The following FBXL7 variants were observed in gnomAD, a reference collection of about 807,000 sequenced individuals.
FBXL7 encodes the protein F-box/LRR-repeat protein 7.
Under a neutral mutation model 38.3 loss-of-function variants are expected in FBXL7, and 12 were observed. That is an observed-to-expected ratio of 0.31 (90% CI 0.20 to 0.51). The LOEUF is 0.51. Among genes scored for constraint, FBXL7 ranks in the 20% least tolerant of loss-of-function variants. FBXL7 has a pLI of 0.98. For synonymous variants in FBXL7, 297 were observed against 300.9 expected (o/e 0.99, Z 0.13); for missense variants, 567 against 676.4 (o/e 0.84, Z 1.79).
chr5:15,603,569 A>C (rs1055577703), intron 1 of FBXL7, among the ~76,000 whole-genome samples: 3 of 152,208 alleles, frequency 2.0e-5, no homozygotes, highest in African/African-American at 7.2e-5. Context: ...CTGTGTAGGC[A>C]ATGAGGTCAT....
intron 2 of FBXL7, among the ~76,000 whole-genome samples, chr5:15,767,034 G>A (rs547511239): frequency 1.4e-4 from 22 of 151,828 alleles, no homozygotes; most frequent in Admixed American, 3.3e-4. Context: ...CGGGGTACCC[G>A]TGCAGGATGT....
At chr5:15,892,039 C>T (rs1740924198) in intron 2 of FBXL7, among the ~76,000 whole-genome samples, 1 of 152,230 alleles carries the variant, frequency 6.6e-6, no homozygotes, top group Admixed American at 6.5e-5. Flanking sequence ...CACCAGCCTC[C>T]TGCCAGTGCT....
chr5:15,816,544 G>A (rs1738020518), intron 2 of FBXL7, among the ~76,000 whole-genome samples: 1 of 152,130 alleles, frequency 6.6e-6, no homozygotes, highest in Non-Finnish European at 1.5e-5. Context: ...ACACGTACAT[G>A]TAATGTACAT....
At chr5:15,719,387 A>G (rs1744134108) in intron 2 of FBXL7, among the ~76,000 whole-genome samples, 1 of 122,920 alleles carries the variant, frequency 8.1e-6, no homozygotes, top group Non-Finnish European at 1.9e-5. Flanking sequence ...ATATCATGCT[A>G]AGTGACCTAT....
chr5:15,510,188 G>A (rs1736757644), intron 1 of FBXL7, among the ~76,000 whole-genome samples: 2 of 152,218 alleles, frequency 1.3e-5, no homozygotes, highest in African/African-American at 4.8e-5. Context: ...CATGAGCAAT[G>A]TGTAGAAATG....
At chr5:15,764,601 A>G (rs2964268) in intron 2 of FBXL7, among the ~76,000 whole-genome samples, 115,628 of 152,210 alleles carry the variant, frequency 0.76, 44,248 homozygotes, top group East Asian at 0.9. Context: ...AGCATCAGCC[A>G]TGAGGCCAGA....
chr5:15,928,043 C>T lies in FBXL7; in HGVS notation c.281C>T (p.Thr94Ile). 3.2e-6 allele frequency: 2 copies of T among 626,922 alleles called. No individual in the cohort carries two copies. 38.8% of individuals were successfully genotyped at this position (626,922 alleles called of 1,614,324 possible). A position where few individuals can be genotyped will look rare whatever the true frequency, so the allele number is the denominator to read the frequency against. Residue 94 changes from threonine (T) to isoleucine (I), a missense_variant, in exon 3 of 4, where the codon ACC (threonine) becomes ATC (isoleucine). Thr to Ile is a moderately conservative substitution (Grantham distance 89, BLOSUM62 -1). Coordinates refer to ENST00000504595, the MANE Select transcript of FBXL7 (RefSeq NM_012304.5). This position sits in a 1 kb window ranked among gnomAD's most constrained non-coding sequence, Gnocchi z 4.0. ...GCCATGGTGCACTCCCCGCCCCCGACCCGCCTCACACACCCGCTCATCCGG... is the reference window on the plus strand; with the variant it reads ...GCCATGGTGCACTCCCCGCCCCCGATCCGCCTCACACACCCGCTCATCCGG... The part of the protein sequence containing the change: ...TVAMVHSPPP[T>I]RLTHPLIRLA...
chr5:15,557,586 G>A (rs1464596348), intron 1 of FBXL7, among the ~76,000 whole-genome samples: 1 of 152,188 alleles, frequency 6.6e-6, no homozygotes, highest in Non-Finnish European at 1.5e-5. Flanking sequence ...GATATTAGCT[G>A]CTCCATTAGT....
At chr5:15,766,562 G>C (rs1395416293) in intron 2 of FBXL7, among the ~76,000 whole-genome samples, 3 of 152,166 alleles carry the variant, frequency 2.0e-5, no homozygotes, top group African/African-American at 7.2e-5. Context: ...ATATTTAAAA[G>C]GCTGCTTTGG....
intron 2 of FBXL7, among the ~76,000 whole-genome samples, chr5:15,668,814 G>A (rs889085426): frequency 1.3e-5 from 2 of 152,092 alleles, no homozygotes; most frequent in Non-Finnish European, 2.9e-5. Context: ...AGGTCAGGAG[G>A]TATCCTTCAT....
intron 2 of FBXL7, among the ~76,000 whole-genome samples, chr5:15,642,330 G>A (rs568920673): frequency 1.3e-5 from 2 of 152,126 alleles, no homozygotes; most frequent in African/African-American, 4.8e-5. Context: ...GCCAGGATAT[G>A]TAACTCTCCA....
intron 2 of FBXL7, among the ~76,000 whole-genome samples, chr5:15,670,821 T>A (rs948034366): frequency 2.8e-4 from 42 of 148,956 alleles, no homozygotes; most frequent in African/African-American, 9.1e-4. Context: ...AAAATAAAAA[T>A]AAAAAAAAAA....
chr5:15,924,851 T>C (rs1433873632), intron 2 of FBXL7, among the ~76,000 whole-genome samples: 1 of 152,152 alleles, frequency 6.6e-6, no homozygotes, highest in Admixed American at 6.5e-5. Context: ...GGTCTCAAAC[T>C]CTTGGCCTCA....
chr5:15,691,158 T>C (rs993068231), intron 2 of FBXL7, among the ~76,000 whole-genome samples: 3 of 152,196 alleles, frequency 2.0e-5, no homozygotes, highest in Admixed American at 2.0e-4. Flanking sequence ...CTGACTTCTG[T>C]TCTTGTCAGT....
intron 1 of FBXL7, among the ~76,000 whole-genome samples, chr5:15,610,645 A>C (rs1163547735): frequency 6.6e-6 from 1 of 152,162 alleles, no homozygotes; most frequent in African/African-American, 2.4e-5. Flanking sequence ...TGCTTCCAGA[A>C]GCAGGGCAGA....
At chr5:15,858,155 C>T (rs1354080239) in intron 2 of FBXL7, among the ~76,000 whole-genome samples, 1 of 151,194 alleles carries the variant, frequency 6.6e-6, no homozygotes, top group East Asian at 1.9e-4. Context: ...TTTATCCTTA[C>T]AACTATTAGA....
chr5:15,613,088 A>C (rs1740307814), intron 1 of FBXL7, among the ~76,000 whole-genome samples: 1 of 152,218 alleles, frequency 6.6e-6, no homozygotes, highest in Non-Finnish European at 1.5e-5. Flanking sequence ...CAATATAATA[A>C]AAATAATTTA....
intron 2 of FBXL7, among the ~76,000 whole-genome samples, chr5:15,755,585 G>A (rs910526092): frequency 2.7e-5 from 4 of 150,808 alleles, no homozygotes; most frequent in Admixed American, 2.6e-4. Context: ...GCTATATTTT[G>A]CTTGGGCAAC....
intron 2 of FBXL7, among the ~76,000 whole-genome samples, chr5:15,813,135 T>A (rs192991896): frequency 2.0e-5 from 3 of 152,176 alleles, no homozygotes; most frequent in African/African-American, 4.8e-5. Flanking sequence ...TTCTCTTGCC[T>A]GATTGCCCTG....
Sources: gnomAD v4.1 joint callset for allele counts (sites outside exome capture counted in the v4.1 genomes callset) on GRCh38, gnomAD v4.1.1 for gene constraint, Gnocchi (gnomAD v3.1) non-coding constraint, MANE v1.5 for transcripts, NCBI Gene and HGNC (gene_info 2026-07-23, HGNC 2026-07-21) for gene names.